The following FHIT variants were observed in gnomAD, a reference collection of about 807,000 sequenced individuals.
The protein encoded by FHIT is bis(5'-adenosyl)-triphosphatase.
FHIT carries 19 observed loss-of-function variants against 17.9 expected under a neutral mutation model. The ratio of observed to expected loss-of-function variants is 1.06; its 90% CI spans 0.74 to 1.56. The LOEUF is 1.56. FHIT is among the 40% of genes most tolerant of loss of function. FHIT has a pLI of 0.00. For synonymous variants in FHIT, 81 were observed against 69.7 expected (o/e 1.16, Z -0.81); for missense variants, 248 against 189.2 (o/e 1.31, Z -1.82).
intron 8 of FHIT, among the ~76,000 whole-genome samples, chr3:59,917,803 A>G (rs992345517): frequency 2.0e-5 from 3 of 152,224 alleles, no homozygotes; most frequent in Non-Finnish European, 4.4e-5. Flanking sequence ...ATGATAATCA[A>G]GATTGGAAAG....
intron 4 of FHIT, among the ~76,000 whole-genome samples, chr3:60,743,964 T>C (rs541801379): frequency 5.3e-5 from 8 of 152,104 alleles, no homozygotes; most frequent in African/African-American, 1.7e-4. Flanking sequence ...TCCCAGAAGG[T>C]TGGAGAGAAC....
At chr3:59,942,954 G>C (rs1256363823) in intron 7 of FHIT, among the ~76,000 whole-genome samples, 1 of 152,044 alleles carries the variant, frequency 6.6e-6, no homozygotes, top group Non-Finnish European at 1.5e-5. Flanking sequence ...TGGCTTCCTA[G>C]TTCTCTATAG....
intron 1 of FHIT, among the ~76,000 whole-genome samples, chr3:61,215,299 C>G (rs1422861155): frequency 6.6e-6 from 1 of 151,608 alleles, no homozygotes; most frequent in East Asian, 1.9e-4. Context: ...AGCTGATAAG[C>G]AGCTTCAGCA....
intron 2 of FHIT, among the ~76,000 whole-genome samples, chr3:61,185,605 T>C (rs9820155): frequency 0.22 from 33,630 of 152,094 alleles, 4,830 homozygotes; most frequent in East Asian, 0.71. Flanking sequence ...ACTTCGGTAC[T>C]TTCTATCCAC....
chr3:60,451,625 C>A (rs769751823), intron 5 of FHIT, among the ~76,000 whole-genome samples: 1 of 151,912 alleles, frequency 6.6e-6, no homozygotes, highest in Admixed American at 6.6e-5. Flanking sequence ...TGCCACAATC[C>A]CAAGAAAGAA....
At chr3:59,755,514 C>G (rs903061211) in intron 8 of FHIT, among the ~76,000 whole-genome samples, 1 of 152,182 alleles carries the variant, frequency 6.6e-6, no homozygotes, top group Non-Finnish European at 1.5e-5. Flanking sequence ...CAGTATTTGC[C>G]GTGGGTGAAC....
intron 2 of FHIT, among the ~76,000 whole-genome samples, chr3:61,169,659 A>G (rs2037940276): frequency 2.0e-5 from 3 of 152,220 alleles, no homozygotes; most frequent in Admixed American, 2.0e-4. Flanking sequence ...TATTGCTTTT[A>G]AAATGATACA....
intron 4 of FHIT, among the ~76,000 whole-genome samples, chr3:60,660,473 C>A (rs553449475): frequency 2.0e-5 from 3 of 152,182 alleles, no homozygotes; most frequent in South Asian, 2.1e-4. Flanking sequence ...ACTGCCCAAG[C>A]CTTCTCTTGG....
chr3:59,987,674 CT>C (rs754059758), intron 7 of FHIT, among the ~76,000 whole-genome samples: 2 of 151,874 alleles, frequency 1.3e-5, no homozygotes, highest in East Asian at 3.9e-4. Context: ...TTAATATGCA[CT>C]TTTTTTTCAT....
chr3:61,024,568 T>C (rs568655458), intron 3 of FHIT, among the ~76,000 whole-genome samples: 1 of 152,252 alleles, frequency 6.6e-6, no homozygotes. Context: ...CATTTGTATG[T>C]ATGAGCAAAG....
chr3:60,890,981 T>C (rs1171591142), intron 3 of FHIT, among the ~76,000 whole-genome samples: 2 of 152,192 alleles, frequency 1.3e-5, no homozygotes, highest in Admixed American at 1.3e-4. Context: ...CATTCGTCAA[T>C]AGGTTGAAGA....
intron 5 of FHIT, among the ~76,000 whole-genome samples, chr3:60,387,097 C>T (rs1272085582): frequency 1.3e-5 from 2 of 148,156 alleles, no homozygotes; most frequent in African/African-American, 5.0e-5. Context: ...AAGCGATTCT[C>T]CTGCCTCAGC....
At position 60,998,881 on chromosome 3, in the gene FHIT, G is replaced by C. The variant is rs558816212; in HGVS notation, c.-111+43166C>G. Among the ~76,000 whole-genome samples the C allele has an allele frequency of 8.6e-5, 13 of 151,196 alleles. No individual in the cohort carries two copies. In the South Asian group the frequency reaches 2.1e-3, roughly 24 times the overall value. On this transcript the variant is annotated intron_variant, in intron 3 of 9. Transcript: ENST00000492590. ...TTTTTTCATGGTTCACCATAATTCA[G>C]GTAGCGAAGTCTAAATGAACAAGCA...
At chr3:59,811,631 G>A (rs1700408723) in intron 8 of FHIT, among the ~76,000 whole-genome samples, 1 of 152,088 alleles carries the variant, frequency 6.6e-6, no homozygotes, top group Admixed American at 6.5e-5. Flanking sequence ...GTGATTTACT[G>A]GACTCCTTAT....
intron 4 of FHIT, among the ~76,000 whole-genome samples, chr3:60,603,986 G>C (rs1199159983): frequency 1.3e-5 from 2 of 152,132 alleles, no homozygotes; most frequent in African/African-American, 2.4e-5. Context: ...TGGTGACGAA[G>C]AGACTAAGAA....
intron 3 of FHIT, among the ~76,000 whole-genome samples, chr3:60,911,016 G>A (rs1452487370): frequency 3.9e-5 from 6 of 152,172 alleles, no homozygotes; most frequent in East Asian, 1.9e-4. Context: ...GTCATGGCTC[G>A]TAACTTGCTG....
chr3:60,547,125 A>G (rs753437580), intron 4 of FHIT, among the ~76,000 whole-genome samples: 1 of 152,228 alleles, frequency 6.6e-6, no homozygotes, highest in African/African-American at 2.4e-5. Flanking sequence ...CTTTCCTTTC[A>G]CATAAAAATG....
chr3:60,518,307 A>G (rs2035233834), intron 5 of FHIT, among the ~76,000 whole-genome samples: 1 of 152,222 alleles, frequency 6.6e-6, no homozygotes, highest in African/African-American at 2.4e-5. Context: ...AAATATCCCA[A>G]TAGAAAAAGA....
At chr3:60,386,059 G>C (rs563756070) in intron 5 of FHIT, among the ~76,000 whole-genome samples, 2 of 152,266 alleles carry the variant, frequency 1.3e-5, no homozygotes, top group East Asian at 3.9e-4. Flanking sequence ...TACATTAGAG[G>C]AAATTGAAGC....
Sources: allele counts gnomAD v4.1 joint callset (sites outside exome capture counted in the v4.1 genomes callset), GRCh38; gene constraint gnomAD v4.1.1; transcripts MANE v1.5; gene names NCBI Gene and HGNC (gene_info 2026-07-23, HGNC 2026-07-21).